PSME3IP1: variants seen among roughly 807,000 people sequenced by gnomAD.
PSME3IP1 encodes the protein PSME3-interacting protein.
PSME3IP1 carries 13 observed loss-of-function variants against 34.1 expected under a neutral mutation model. That is an observed-to-expected ratio of 0.38 (90% CI 0.25 to 0.61). The LOEUF (loss-of-function observed/expected upper bound fraction) is 0.61. Ranked by LOEUF, PSME3IP1 falls within the 20% of genes least tolerant of loss-of-function variation. PSME3IP1 has a pLI of 0.60. For synonymous variants in PSME3IP1, 93 were observed against 114.3 expected (o/e 0.81, Z 1.19); for missense variants, 237 against 301.4 (o/e 0.79, Z 1.58).
intron 1 of PSME3IP1, among the ~76,000 whole-genome samples, chr16:57,176,670 A>G (rs953601006): frequency 1.3e-4 from 20 of 152,162 alleles, no homozygotes; most frequent in African/African-American, 4.8e-4. Context: ...GTTCCTCCTA[A>G]TTTGTTGCTT....
chr16:57,185,025 A>T (rs1017718386), intron 1 of PSME3IP1, among the ~76,000 whole-genome samples: 2 of 152,194 alleles, frequency 1.3e-5, no homozygotes, highest in Admixed American at 1.3e-4. Flanking sequence ...CAAATAACTG[A>T]TGAATCGACA....
intron 1 of PSME3IP1, among the ~76,000 whole-genome samples, chr16:57,180,887 T>C (rs1235853505): frequency 6.6e-6 from 1 of 152,082 alleles, no homozygotes; most frequent in African/African-American, 2.4e-5. Context: ...AGACTCTCTC[T>C]CTACAAAAAT....
Position 57,154,171 on chromosome 16 carries a change from T to G in PSME3IP1, c.*119A>C, listed in dbSNP as rs2070226224. 1.3e-6 allele frequency: 1 copy of G among 780,518 alleles called. No homozygotes were observed. The highest frequency in any genetic ancestry group is 2.1e-6 in the Non-Finnish European group (1 of 485,574). 48.3% of individuals were successfully genotyped at this position (780,518 alleles called of 1,614,324 possible). A position where few individuals can be genotyped will look rare whatever the true frequency, so the allele number is the denominator to read the frequency against. On this transcript the variant is annotated 3_prime_UTR_variant, in exon 7 of 7. Transcript: ENST00000309137. This position sits in a 1 kb window ranked among gnomAD's most constrained non-coding sequence, Gnocchi z 4.0. ...TTTTAGATTGGATTGGTTAAAAATG[T>G]CATGTTGTACACAGGATGCAGGCAA...
At chr16:57,174,489 T>TA (rs2072986551) in intron 1 of PSME3IP1, 4 of 985,450 alleles carry the variant, frequency 4.1e-6, no homozygotes, top group Non-Finnish European at 4.8e-6. Flanking sequence ...TCTGTCCCTC[T>TA]AATCTAGAAA....
intron 5 of PSME3IP1, among the ~76,000 whole-genome samples, chr16:57,166,003 A>G (rs2071830102): frequency 6.6e-6 from 1 of 152,162 alleles, no homozygotes; most frequent in South Asian, 2.1e-4. Context: ...AGGAAAGCTT[A>G]TGTGAGAACT....
chr16:57,162,673 A>C (rs1180921051), intron 6 of PSME3IP1, among the ~76,000 whole-genome samples: 2 of 152,064 alleles, frequency 1.3e-5, no homozygotes, highest in African/African-American at 4.8e-5. Flanking sequence ...TCAAAAAAAA[A>C]AAAAAAAAAA....
At chr16:57,168,464 G>T (rs1438524939) in intron 4 of PSME3IP1, among the ~76,000 whole-genome samples, 1 of 151,266 alleles carries the variant, frequency 6.6e-6, no homozygotes, top group Non-Finnish European at 1.5e-5. Context: ...TGTTTTTAGG[G>T]TCATCATGGA....
At chr16:57,179,081 T>C (rs923935765) in intron 1 of PSME3IP1, among the ~76,000 whole-genome samples, 5 of 152,258 alleles carry the variant, frequency 3.3e-5, no homozygotes, top group Admixed American at 1.3e-4. Context: ...CCTGTAGGAA[T>C]GCAGAGGACT....
At chr16:57,163,919 T>C (rs2071557651) in intron 6 of PSME3IP1, 82 bp downstream of exon 6, 1 of 1,339,364 alleles carries the variant, frequency 7.5e-7, no homozygotes, top group Non-Finnish European at 1.1e-6. Flanking sequence ...ATGCATTCAT[T>C]TGCAGAAGCA....
chr16:57,185,665 C>T, intron 1 of PSME3IP1, 156 bp downstream of exon 1: 1 of 985,548 alleles, frequency 1.0e-6, no homozygotes, highest in Non-Finnish European at 1.2e-6. Flanking sequence ...AGGCTGGGCC[C>T]GCAAGCCCCA....
chr16:57,168,803 CAAAAAAAAAAA>C (rs1189721344), intron 4 of PSME3IP1, among the ~76,000 whole-genome samples: 1,077 of 23,912 alleles, frequency 0.045, 20 homozygotes, highest in Non-Finnish European at 0.055. Context: ...AACTCTGTCT[CAAAAAAAAAAA>C]AAAAAAAAAA....
chr16:57,165,169 A>C (rs985888570), intron 5 of PSME3IP1, among the ~76,000 whole-genome samples: 1 of 152,036 alleles, frequency 6.6e-6, no homozygotes, highest in East Asian at 1.9e-4. Flanking sequence ...ATATATATAT[A>C]TATCATCATA....
intron 4 of PSME3IP1, among the ~76,000 whole-genome samples, chr16:57,171,022 G>A (rs543114708): frequency 3.3e-5 from 5 of 152,098 alleles, no homozygotes; most frequent in Admixed American, 6.5e-5. Flanking sequence ...GCAGTGAGAC[G>A]AGATCGCGCC....
rs193294351 is a variant in PSME3IP1, at chr16:57,165,483, T to C, written c.483-1418A>G. ...TAAACTAGAAGAGAGTAAAGAATAT[T>C]CCTTTGAAGAAGGTAAGAAATTGCT... On this transcript the variant is annotated intron_variant, in intron 5 of 6. Transcript: ENST00000309137. Among the ~76,000 whole-genome samples, 9 of 152,302 alleles carry C rather than the reference T, an allele frequency of 5.9e-5. No homozygotes were observed. In the East Asian group the frequency reaches 1.7e-3, roughly 29 times the overall value.
At chr16:57,162,593 A>C (rs544997381) in intron 6 of PSME3IP1, among the ~76,000 whole-genome samples, 4 of 151,602 alleles carry the variant, frequency 2.6e-5, no homozygotes, top group African/African-American at 9.7e-5. Context: ...TAAACCAGGA[A>C]GGCAGAGGCT....
intron 1 of PSME3IP1, chr16:57,178,926 A>G: frequency 2.4e-6 from 1 of 412,176 alleles, no homozygotes; most frequent in Non-Finnish European, 3.3e-6. Flanking sequence ...AGAAAATTAG[A>G]TTGTGTTGAC....
chr16:57,165,509 GCTTGT>G (rs1346963228), intron 5 of PSME3IP1, among the ~76,000 whole-genome samples: 1 of 152,148 alleles, frequency 6.6e-6, no homozygotes, highest in Non-Finnish European at 1.5e-5. Flanking sequence ...AGAAATTGCT[GCTTGT>G]TTTGGTCTTA....
chr16:57,170,933 C>T (rs2072498290), intron 4 of PSME3IP1, among the ~76,000 whole-genome samples: 1 of 152,046 alleles, frequency 6.6e-6, no homozygotes, highest in Admixed American at 6.5e-5. Flanking sequence ...ATTAGCTGGG[C>T]GTGGTGGCAT....
chr16:57,171,227 G>A (rs1322101704), intron 4 of PSME3IP1, among the ~76,000 whole-genome samples: 1 of 152,154 alleles, frequency 6.6e-6, no homozygotes, highest in African/African-American at 2.4e-5. Context: ...GCAAGTCTGA[G>A]GCCCTGAGAT....
Sources: gnomAD v4.1 joint callset for allele counts (sites outside exome capture counted in the v4.1 genomes callset) on GRCh38, gnomAD v4.1.1 for gene constraint, Gnocchi (gnomAD v3.1) non-coding constraint, MANE v1.5 for transcripts, NCBI Gene and HGNC (gene_info 2026-07-23, HGNC 2026-07-21) for gene names.